ZNF658: variants seen among roughly 807,000 people sequenced by gnomAD.
The protein encoded by ZNF658 is zinc finger protein 658.
In ZNF658, 46 loss-of-function variants were observed where a neutral mutation model predicts 78.0. The observed-to-expected ratio is 0.59, with a 90% CI of 0.47 to 0.75. The LOEUF (loss-of-function observed/expected upper bound fraction) is 0.75, where lower values mean the gene tolerates loss of function less well. Among genes scored for constraint, ZNF658 ranks in the 30% least tolerant of loss-of-function variants. The pLI, the probability that ZNF658 is intolerant of heterozygous loss-of-function variation, is 0.00. For synonymous variants in ZNF658, 279 were observed against 408.4 expected, an observed-to-expected ratio of 0.68 and a Z score of 3.82; for missense variants, 785 against 1,189.3, an observed-to-expected ratio of 0.66 and a Z score of 5.00.
At chr9:66,901,077 G>A (rs1407346019) in intron 1 of ZNF658, 1 of 152,280 alleles carries the variant, frequency 6.6e-6, no homozygotes, top group Admixed American at 6.5e-5. Context: ...CGAACAGGAG[G>A]AGGTTACTAG....
chr9:66,910,896 C>G (rs1016480253), intron 4 of ZNF658, among the ~76,000 whole-genome samples: 2 of 150,838 alleles, frequency 1.3e-5, no homozygotes, highest in Admixed American at 6.6e-5. Flanking sequence ...TGAATTCAGG[C>G]AAGAAATTCA....
downstream of ZNF658, among the ~76,000 whole-genome samples, chr9:66,922,372 G>T (rs1004760109): frequency 5.3e-5 from 8 of 151,726 alleles, no homozygotes; most frequent in African/African-American, 1.9e-4. Flanking sequence ...AAGCCCCAGT[G>T]AGATGAACCT....
Position 66,920,408 on chromosome 9 carries a change from G to T in ZNF658, c.2842G>T (p.Ala948Ser), listed in dbSNP as rs764056710. The change falls in exon 5 of 5, where the codon GCC (alanine) becomes TCC (serine). Residue 948 changes from alanine to serine, a missense_variant. Physicochemically the swap from Ala to Ser is moderately conservative, Grantham distance 99. This residue lies in a region of ZNF658 where 85 missense variants were observed against 108.6 expected (regional missense o/e 0.78). Transcript: ENST00000621410. Reference sequence around the variant, plus strand: ...ATGTAATGTATGTGGGAAGCCATTTGCCCATAATTCAACCCTCAGAGTACA... The same window carrying T: ...ATGTAATGTATGTGGGAAGCCATTTTCCCATAATTCAACCCTCAGAGTACA... The part of the protein sequence containing the change: ...YECNVCGKPF[A>S]HNSTLRVHQR... 2 of 1,611,460 alleles carry T rather than the reference G, an allele frequency of 1.2e-6. No homozygotes were observed. The highest frequency in any genetic ancestry group is 8.5e-7 in the Non-Finnish European group (1 of 1,179,608).
In ZNF658 at chr9:66,908,716, C is replaced by G. The variant is rs1339592377; in HGVS notation, c.220C>G (p.Leu74Val). ...EEPWSLEDEFLNQRYPGYFKV... is the reference protein window; with the variant it reads ...EEPWSLEDEFVNQRYPGYFKV... ...GCCATGGTCTTTAGAAGATGAATTC[C>G]TGAACCAGAGGTACCCAGGTGAGTG... Residue 74 changes from leucine (L) to valine (V), a missense_variant, in exon 4 of 5, where the codon CTG becomes GTG. Leu to Val is a conservative substitution (Grantham distance 32). Coordinates refer to ENST00000621410, the MANE Select transcript of ZNF658 (RefSeq NM_033160.7). 1 of 1,610,700 alleles carries G rather than the reference C, an allele frequency of 6.2e-7. No homozygotes were observed. The highest frequency in any genetic ancestry group is 8.5e-7 in the Non-Finnish European group (1 of 1,178,646).
At chr9:66,904,039 G>A (rs1177981186) in intron 2 of ZNF658, among the ~76,000 whole-genome samples, 1 of 151,774 alleles carries the variant, frequency 6.6e-6, no homozygotes, top group Non-Finnish European at 1.5e-5. Context: ...AAGTACTCCA[G>A]TGCAAGGGTT....
chr9:66,918,927 A>C lies in ZNF658; in HGVS notation c.1361A>C (p.Asn454Thr). 1 of 1,526,780 alleles carries C rather than the reference A, an allele frequency of 6.5e-7. No homozygotes were observed. Among genetic ancestry groups the C allele is most frequent in the Non-Finnish European group, 8.9e-7 (1 of 1,124,206 alleles). The allele number at this position is 1,526,780 out of a possible 1,614,324, so 94.6% of individuals were successfully genotyped here. A position where few individuals can be genotyped will look rare whatever the true frequency, so the allele number is the denominator to read the frequency against. The change falls in exon 5 of 5, where the codon AAC (asparagine) becomes ACC (threonine). Residue 454 changes from asparagine (N) to threonine (T), a missense_variant. Physicochemically the swap from Asn to Thr is moderately conservative, Grantham distance 65 (BLOSUM62 0). This residue lies in a region of ZNF658 where 393 missense variants were observed against 400.2 expected (regional missense o/e 0.98). Coordinates refer to ENST00000621410, the MANE Select transcript of ZNF658 (RefSeq NM_033160.7). ...ECGKAFCQNSNLSKHLRIHTK... is the reference protein window; with the variant it reads ...ECGKAFCQNSTLSKHLRIHTK... The stretch of plus-strand genomic sequence containing the variant: ...GGGAAAGCTTTCTGTCAGAATTCAA[A>C]CCTCAGTAAACATCTGAGAATTCAC...
chr9:66,906,328 G>A, intron 2 of ZNF658, among the ~76,000 whole-genome samples: 1 of 149,288 alleles, frequency 6.7e-6, no homozygotes, highest in Non-Finnish European at 1.5e-5. Flanking sequence ...CACAGCCCTG[G>A]GCATATGCTC....
At chr9:66,915,036 AGTT>A (rs1168860394) in intron 4 of ZNF658, among the ~76,000 whole-genome samples, 3 of 148,290 alleles carry the variant, frequency 2.0e-5, no homozygotes, top group African/African-American at 7.5e-5. Context: ...TTGGTCCAGA[AGTT>A]GTTCTTTGGA....
intron 6 of ZNF658, among the ~76,000 whole-genome samples, chr9:66,930,236 TG>T: frequency 8.1e-6 from 1 of 122,884 alleles, no homozygotes; most frequent in African/African-American, 2.9e-5. Flanking sequence ...CTGCTTCTGA[TG>T]GGTTTATGAG....
chr9:66,922,846 C>T (rs1822548783), downstream of ZNF658, among the ~76,000 whole-genome samples: 1 of 142,920 alleles, frequency 7.0e-6, no homozygotes, highest in Non-Finnish European at 1.5e-5. Context: ...GTCCTGAGAA[C>T]ATTTGCCCAA....
chr9:66,903,844 T>A, intron 2 of ZNF658, among the ~76,000 whole-genome samples: 1 of 152,134 alleles, frequency 6.6e-6, no homozygotes, highest in East Asian at 1.9e-4. Context: ...CTTAAAGGTT[T>A]ACATTGATGA....
At chr9:66,917,301 A>G (rs933884571) in intron 4 of ZNF658, among the ~76,000 whole-genome samples, 1 of 146,844 alleles carries the variant, frequency 6.8e-6, no homozygotes, top group Non-Finnish European at 1.5e-5. Flanking sequence ...CTCCACCTTG[A>G]CTGGCCCCGG....
chr9:66,905,206 G>A (rs1392582928), intron 2 of ZNF658, among the ~76,000 whole-genome samples: 1 of 148,484 alleles, frequency 6.7e-6, no homozygotes, highest in Non-Finnish European at 1.5e-5. Context: ...CTCCTAAGTA[G>A]CTGGGATTCC....
intron 4 of ZNF658, among the ~76,000 whole-genome samples, chr9:66,915,258 GAA>G (rs912764306): frequency 1.3e-5 from 2 of 151,720 alleles, no homozygotes; most frequent in African/African-American, 2.4e-5. Flanking sequence ...AGCTCCTTTA[GAA>G]AAAAAGTCTT....
At chr9:66,909,429 C>T (rs1321182214) in intron 4 of ZNF658, among the ~76,000 whole-genome samples, 1 of 150,356 alleles carries the variant, frequency 6.7e-6, no homozygotes, top group Non-Finnish European at 1.5e-5. Context: ...CTTTTTATGG[C>T]CAAATAATGT....
chr9:66,906,429 TC>T (rs1822081696), intron 2 of ZNF658, among the ~76,000 whole-genome samples: 2 of 147,240 alleles, frequency 1.4e-5, no homozygotes, highest in South Asian at 4.4e-4. Context: ...GTTTTTCCTT[TC>T]TAAAAAGCTT....
intron 2 of ZNF658, among the ~76,000 whole-genome samples, chr9:66,905,964 G>A (rs1822070763): frequency 1.3e-5 from 2 of 149,748 alleles, no homozygotes; most frequent in Non-Finnish European, 3.0e-5. Context: ...TGCATTTTTT[G>A]TTGAAAACTA....
chr9:66,928,969 C>G lies in ZNF658; in HGVS notation c.*55-3056C>G, dbSNP rs1183588722. Among the ~76,000 whole-genome samples the G allele has an allele frequency of 2.7e-5, 4 of 147,702 alleles. No individual in the cohort carries two copies. The Admixed American group carries it at 2.7e-4, about 10-fold the overall frequency. Reference sequence around the variant, plus strand: ...GCAGTTAATTGTATGCCAATTATACCTCACTTCTCTTAGGAATGAGAAATT... The same window carrying G: ...GCAGTTAATTGTATGCCAATTATACGTCACTTCTCTTAGGAATGAGAAATT... On this transcript the variant is annotated intron_variant and NMD_transcript_variant, in intron 6 of 6. Transcript: ENST00000622180.
chr9:66,920,283 G>C lies in ZNF658; in HGVS notation c.2717G>C (p.Gly906Ala). 13 of 1,613,794 alleles carry C rather than the reference G, an allele frequency of 8.1e-6. No homozygotes were observed. The highest frequency in any genetic ancestry group is 1.1e-5 in the Non-Finnish European group (13 of 1,179,908). ...HLRAHLRTRS[G>A]EKPYECSECG... The stretch of plus-strand genomic sequence containing the variant: ...AGAGCACATCTTAGAACTCGCTCAG[G>C]GGAGAAACCCTATGAATGCAGTGAA... The change falls in exon 5 of 5, where the codon GGG becomes GCG. Residue 906 changes from glycine (G) to alanine (A), a missense_variant. Gly to Ala is a moderately conservative substitution (Grantham distance 60). Coordinates refer to ENST00000621410, the MANE Select transcript of ZNF658 (RefSeq NM_033160.7).
Sources: allele counts gnomAD v4.1 joint callset (sites outside exome capture counted in the v4.1 genomes callset), GRCh38; gene constraint gnomAD v4.1.1; regional missense constraint gnomAD v4.1.1; transcripts MANE v1.5; gene names NCBI Gene and HGNC (gene_info 2026-07-23, HGNC 2026-07-21).